SDHC: variants seen among roughly 807,000 people sequenced by gnomAD.
SDHC encodes the protein succinate dehydrogenase cytochrome b560 subunit, mitochondrial.
In SDHC, 11 loss-of-function variants were observed where a neutral mutation model predicts 22.6. The ratio of observed to expected loss-of-function variants is 0.49; its 90% CI spans 0.31 to 0.81. The LOEUF is 0.81. Ranked by LOEUF, SDHC falls within the 30% of genes least tolerant of loss-of-function variation. The pLI, the probability that SDHC is intolerant of heterozygous loss-of-function variation, is 0.05. For missense variants in SDHC, 160 were observed against 212.0 expected (o/e 0.75, Z 1.52); for synonymous variants, 80 against 77.8 (o/e 1.03, Z -0.15).
chr1:161,329,583 C>T (rs1438158243), intron 3 of SDHC, among the ~76,000 whole-genome samples: 5 of 152,292 alleles, frequency 3.3e-5, no homozygotes, highest in East Asian at 1.9e-4. Flanking sequence ...CCACCCACCT[C>T]GGCCTCCCAA....
chr1:161,314,965 C>T (rs1277572871), intron 1 of SDHC: 1 of 152,982 alleles, frequency 6.5e-6, no homozygotes, highest in African/African-American at 2.4e-5. Flanking sequence ...CCAGGGCGGA[C>T]CTCTGCTGCC....
At chr1:161,361,913 C>A (rs1346733364) in intron 5 of SDHC, among the ~76,000 whole-genome samples, 1 of 145,212 alleles carries the variant, frequency 6.9e-6, no homozygotes, top group Non-Finnish European at 1.5e-5. Context: ...TGTATGACCA[C>A]AGAACTTTTT....
intron 5 of SDHC, among the ~76,000 whole-genome samples, chr1:161,360,135 G>GC (rs1274459684): frequency 1.3e-5 from 2 of 151,724 alleles, no homozygotes; most frequent in Non-Finnish European, 2.9e-5. Flanking sequence ...GTGTTAAGGC[G>GC]CCATGTATGT....
intron 5 of SDHC, among the ~76,000 whole-genome samples, chr1:161,361,269 A>G (rs1008805787): frequency 1.3e-5 from 2 of 151,490 alleles, no homozygotes; most frequent in African/African-American, 4.8e-5. Context: ...ATATACTTGT[A>G]TATATATGGC....
intron 2 of SDHC, among the ~76,000 whole-genome samples, chr1:161,324,674 C>T (rs895543411): frequency 1.3e-5 from 2 of 151,816 alleles, no homozygotes; most frequent in Non-Finnish European, 1.5e-5. Context: ...GTAGTTCAGC[C>T]GAATACATAT....
chr1:161,347,346 C>T (rs1018013492), intron 4 of SDHC, among the ~76,000 whole-genome samples: 3 of 152,014 alleles, frequency 2.0e-5, no homozygotes, highest in Admixed American at 6.6e-5. Flanking sequence ...CCTCCGCCTG[C>T]CAGGTTAGAG....
chr1:161,327,075 C>T (rs940564449), intron 2 of SDHC, among the ~76,000 whole-genome samples: 3 of 152,108 alleles, frequency 2.0e-5, no homozygotes, highest in Non-Finnish European at 4.4e-5. Flanking sequence ...CAAGCTCGGA[C>T]CATCATGCTT....
Position 161,323,651 on chromosome 1 carries a change from C to T in SDHC, c.58C>T (p.Pro20Ser), listed in dbSNP as rs757465324. Residue 20 changes from proline to serine, a missense_variant, in exon 2 of 6, where the codon CCT becomes TCT. Coordinates refer to ENST00000367975, the MANE Select transcript of SDHC (RefSeq NM_003001.5). ...GRHCLRAHFS[P>S]QLCIRNAVPL... The stretch of plus-strand genomic sequence containing the variant: ...TCATTGCCTCCGAGCCCACTTTAGC[C>T]CTCAGCTCTGTATCAGAAAGTAAGT... 3 of 1,612,646 alleles carry T rather than the reference C, an allele frequency of 1.9e-6. No homozygotes were observed. The highest frequency in any genetic ancestry group is 2.5e-6 in the Non-Finnish European group (3 of 1,178,848).
chr1:161,359,420 TC>T (rs1407011480), intron 5 of SDHC, among the ~76,000 whole-genome samples: 2 of 152,324 alleles, frequency 1.3e-5, no homozygotes, highest in Admixed American at 6.5e-5. Context: ...ACTTTTTACT[TC>T]CCTGAGGGGG....
intron 4 of SDHC, among the ~76,000 whole-genome samples, chr1:161,346,730 C>CA (rs1671912678): frequency 6.7e-6 from 1 of 149,220 alleles, no homozygotes; most frequent in Non-Finnish European, 1.5e-5. Flanking sequence ...TATGAGACCC[C>CA]AGAGGAGAAA....
intron 3 of SDHC, among the ~76,000 whole-genome samples, chr1:161,338,354 T>A (rs1268467455): frequency 2.6e-5 from 4 of 152,242 alleles, no homozygotes; most frequent in Non-Finnish European, 5.9e-5. Flanking sequence ...TCTTTTGAGA[T>A]CTTTTTAACC....
intron 4 of SDHC, among the ~76,000 whole-genome samples, chr1:161,353,857 G>A (rs1387456937): frequency 1.3e-5 from 2 of 151,846 alleles, no homozygotes; most frequent in Non-Finnish European, 2.9e-5. Context: ...CCACATAAAT[G>A]GAAAGAAAAA....
intron 4 of SDHC, among the ~76,000 whole-genome samples, chr1:161,344,497 T>C (rs1671828665): frequency 6.6e-6 from 1 of 152,116 alleles, no homozygotes; most frequent in Admixed American, 6.6e-5. Context: ...TTTTTCTGTC[T>C]TTACCCCTTT....
At chr1:161,353,089 C>T (rs1672148538) in intron 4 of SDHC, among the ~76,000 whole-genome samples, 1 of 152,184 alleles carries the variant, frequency 6.6e-6, no homozygotes, top group Non-Finnish European at 1.5e-5. Context: ...ATTGATTAAA[C>T]TAATTGACAT....
chr1:161,323,154 A>T (rs1460142684), intron 1 of SDHC, among the ~76,000 whole-genome samples: 11 of 151,784 alleles, frequency 7.2e-5, no homozygotes. Context: ...ATGCGCCACC[A>T]CGCCTGGCTA....
At chr1:161,354,038 A>G (rs1672182547) in intron 4 of SDHC, among the ~76,000 whole-genome samples, 1 of 151,774 alleles carries the variant, frequency 6.6e-6, no homozygotes, top group Non-Finnish European at 1.5e-5. Flanking sequence ...TTTAGTAGAG[A>G]CAGGGTCTCA....
intron 4 of SDHC, among the ~76,000 whole-genome samples, chr1:161,349,258 T>A (rs1310655506): frequency 1.3e-5 from 2 of 151,036 alleles, no homozygotes; most frequent in African/African-American, 4.9e-5. Context: ...AGACCAGGAG[T>A]TTGAGAACAG....
intron 5 of SDHC, 56 bp downstream of exon 5, chr1:161,356,896 A>G (rs1180940392): frequency 1.6e-5 from 25 of 1,536,968 alleles, no homozygotes; most frequent in Non-Finnish European, 2.2e-5. Flanking sequence ...GGAGACTGGG[A>G]GGATTCTTTC....
intron 4 of SDHC, among the ~76,000 whole-genome samples, chr1:161,352,820 C>G (rs756528052): frequency 6.6e-6 from 1 of 151,754 alleles, no homozygotes; most frequent in Non-Finnish European, 1.5e-5. Flanking sequence ...ACTAAAAATA[C>G]AAAAAAATTA....
Sources: gnomAD v4.1 joint callset for allele counts (sites outside exome capture counted in the v4.1 genomes callset) on GRCh38, gnomAD v4.1.1 for gene constraint, MANE v1.5 for transcripts, NCBI Gene and HGNC (gene_info 2026-07-23, HGNC 2026-07-21) for gene names.